The following CYP27C1 variants were observed in gnomAD, a reference collection of about 807,000 sequenced individuals.
The protein encoded by CYP27C1 is cytochrome P450 family 27 subfamily C member 1.
A neutral mutation model predicts 40.6 loss-of-function variants in CYP27C1; 29 were observed. That is an observed-to-expected ratio of 0.71 (90% confidence interval 0.53 to 0.97). The LOEUF (loss-of-function observed/expected upper bound fraction) is 0.97, where lower values mean the gene tolerates loss of function less well. Ranked by LOEUF, CYP27C1 falls within the 50% of genes least tolerant of loss-of-function variation. CYP27C1 has a pLI of 0.00. For missense variants in CYP27C1, 390 were observed against 485.8 expected, an observed-to-expected ratio of 0.80 and a Z score of 1.85; for synonymous variants, 198 against 186.8, an observed-to-expected ratio of 1.06 and a Z score of -0.49.
At position 127,213,526 on chromosome 2, in the gene CYP27C1, T is replaced by G. The variant is rs375092010; in HGVS notation, c.282+6463A>C. ...AAATAGCACCACACATCTACAACCA[T>G]CTGCTCTTTGACAAACCTGACAAAA... On this transcript the variant is annotated intron_variant, in intron 1 of 8. Coordinates refer to ENST00000664447, the MANE Select transcript of CYP27C1 (RefSeq NM_001367502.1). 1.5e-4 allele frequency among the ~76,000 whole-genome samples: 23 copies of G among 152,250 alleles called. No homozygotes were observed. In the South Asian group the frequency reaches 4.1e-3, roughly 27 times the overall value.
At chr2:127,189,859 T>G (rs1021983481) in intron 8 of CYP27C1, among the ~76,000 whole-genome samples, 5 of 152,240 alleles carry the variant, frequency 3.3e-5, no homozygotes, top group African/African-American at 1.2e-4. Context: ...TGCCAACTGT[T>G]GATTTTGCAC....
chr2:127,195,451 T>C lies in CYP27C1; in HGVS notation c.1098A>G (p.Glu366=). 1 of 1,614,098 alleles carries C rather than the reference T, an allele frequency of 6.2e-7. No individual in the cohort carries two copies. The highest frequency in any genetic ancestry group is 8.5e-7 in the Non-Finnish European group (1 of 1,180,010). The part of the protein sequence containing the change: ...WTVYLLARHP[E]VQQTVYREIV... The stretch of plus-strand genomic sequence containing the variant: ...TCTCCCGGTACACCGTCTGCTGCAC[T>C]TCTGGGTGCCTTGCCAGGAGGTACA... Residue 366 remains glutamate, a synonymous_variant, in exon 6 of 9, where the codon GAA becomes GAG. Coordinates refer to ENST00000664447, the MANE Select transcript of CYP27C1 (RefSeq NM_001367502.1). This position sits in a 1 kb window ranked among gnomAD's most constrained non-coding sequence, Gnocchi z 6.2.
intron 1 of CYP27C1, among the ~76,000 whole-genome samples, chr2:127,214,611 T>C (rs1235803175): frequency 6.6e-6 from 1 of 150,872 alleles, no homozygotes; most frequent in African/African-American, 2.4e-5. Flanking sequence ...TAAGTGGGAG[T>C]TGAATATTGA....
At chr2:127,205,591 T>C in intron 2 of CYP27C1, 3 of 775,052 alleles carry the variant, frequency 3.9e-6, no homozygotes, top group Non-Finnish European at 4.7e-6. Context: ...GTGAGTTTTG[T>C]CTGCCTCGGT....
chr2:127,203,689 A>T (rs1430603063), intron 2 of CYP27C1, 118 bp from the exon 3 acceptor site: 6 of 1,006,104 alleles, frequency 6.0e-6, no homozygotes, highest in Non-Finnish European at 8.7e-6. Context: ...TGCCCAACAA[A>T]GTAGAATTAA....
chr2:127,206,182 A>C (rs2104694631), intron 1 of CYP27C1, among the ~76,000 whole-genome samples, 92 bp from the exon 2 acceptor site: 1 of 152,354 alleles, frequency 6.6e-6, no homozygotes, highest in Middle Eastern at 3.4e-3. Flanking sequence ...GGAGCAGAAA[A>C]TTGGGGCAGA....
At chr2:127,211,633 C>T (rs1013942559) in intron 1 of CYP27C1, among the ~76,000 whole-genome samples, 1 of 152,074 alleles carries the variant, frequency 6.6e-6, no homozygotes, top group Non-Finnish European at 1.5e-5. Context: ...GATCCACCCA[C>T]CTCGGCCTCC....
chr2:127,189,725 G>A (rs1481217243), intron 8 of CYP27C1, among the ~76,000 whole-genome samples: 4 of 151,636 alleles, frequency 2.6e-5, no homozygotes, highest in Admixed American at 6.6e-5. Flanking sequence ...GGATGCTCAT[G>A]TAATTTTCCT....
Position 127,195,511 on chromosome 2 carries a change from G to A in CYP27C1, c.1048-10C>T, listed in dbSNP as rs747718320. ...ACAAGGTGAAGGACGTCTAAGGAGA[G>A]AAAGTGGCAGACACAGGCAGGCAGT... On this transcript the variant is annotated splice_polypyrimidine_tract_variant and intron_variant, in intron 5 of 8. Transcript: ENST00000664447. This position sits in a 1 kb window ranked among gnomAD's most constrained non-coding sequence, Gnocchi z 6.2. 6.2e-7 allele frequency: 1 copy of A among 1,613,384 alleles called. No individual in the cohort carries two copies. The highest frequency in any genetic ancestry group is 1.7e-5 in the Admixed American group (1 of 59,986).
At chr2:127,199,574 T>A in intron 4 of CYP27C1, 35 bp from the exon 5 acceptor site, 1 of 1,578,926 alleles carries the variant, frequency 6.3e-7, no homozygotes, top group Non-Finnish European at 8.6e-7. Flanking sequence ...GAAAGGAGTT[T>A]GGGTTGAGAA....
chr2:127,204,567 A>AAGAAAGAG (rs1683171348), intron 2 of CYP27C1, among the ~76,000 whole-genome samples: 1 of 65,508 alleles, frequency 1.5e-5, no homozygotes, highest in Admixed American at 2.0e-4. Context: ...GAAAGAAAGA[A>AAGAAAGAG]AGAAAGAAAG....
At chr2:127,192,752 C>CCCACG in intron 8 of CYP27C1, among the ~76,000 whole-genome samples, 1 of 49,192 alleles carries the variant, frequency 2.0e-5, no homozygotes, top group African/African-American at 7.7e-5. Context: ...CAGAGTGTAG[C>CCCACG]CACGCGGTTG....
intron 8 of CYP27C1, among the ~76,000 whole-genome samples, chr2:127,191,541 C>G (rs1396826093): frequency 6.6e-6 from 1 of 152,178 alleles, no homozygotes; most frequent in Non-Finnish European, 1.5e-5. Context: ...CTGAGACCTT[C>G]CTGAAAACAC....
chr2:127,193,726 G>A (rs749703564), intron 7 of CYP27C1, 63 bp downstream of exon 7: 119 of 1,557,680 alleles, frequency 7.6e-5, no homozygotes, highest in Non-Finnish European at 9.9e-5. Context: ...CCTGAAGGTA[G>A]AAGCAGATTC....
rs1220921939 is a variant in CYP27C1, at chr2:127,219,345, C to T, written c.282+644G>A. Among the ~76,000 whole-genome samples, 3 of 152,062 alleles carry T rather than the reference C, an allele frequency of 2.0e-5. No homozygotes were observed. Among genetic ancestry groups the T allele is most frequent in the Non-Finnish European group, 4.4e-5 (3 of 68,010 alleles). The stretch of plus-strand genomic sequence containing the variant: ...GCGCCCGCTGCCCCTCCCCAAGTCT[C>T]CTCCTCCGGGACCTCAGCCCTGGTG... On this transcript the variant is annotated intron_variant, in intron 1 of 8. Transcript: ENST00000664447. The surrounding 1 kb of genome is among the most constrained non-coding windows in gnomAD (Gnocchi z 8.7).
intron 3 of CYP27C1, 37 bp downstream of exon 3, chr2:127,203,335 A>C: frequency 6.2e-7 from 1 of 1,600,520 alleles, no homozygotes; most frequent in Admixed American, 1.7e-5. Flanking sequence ...GCAAGTATCC[A>C]TTCTTCCCTC....
intron 8 of CYP27C1, among the ~76,000 whole-genome samples, chr2:127,189,387 G>C (rs532082732): frequency 6.6e-6 from 1 of 152,092 alleles, no homozygotes; most frequent in Non-Finnish European, 1.5e-5. Flanking sequence ...AGGCCCCACT[G>C]TTGGGAGTTG....
At chr2:127,210,501 G>A (rs557584583) in intron 1 of CYP27C1, among the ~76,000 whole-genome samples, 124 of 152,090 alleles carry the variant, frequency 8.2e-4, no homozygotes, top group Non-Finnish European at 1.4e-3. Flanking sequence ...GATCAAATTC[G>A]CACATAACAA....
chr2:127,215,414 A>G (rs1573908597), intron 1 of CYP27C1, among the ~76,000 whole-genome samples: 1 of 152,338 alleles, frequency 6.6e-6, no homozygotes, highest in Middle Eastern at 3.4e-3. Context: ...TGCTAAAACT[A>G]TAAACTCTTA....
Sources: allele counts gnomAD v4.1 joint callset (sites outside exome capture counted in the v4.1 genomes callset), GRCh38; gene constraint gnomAD v4.1.1; non-coding constraint Gnocchi (gnomAD v3.1); transcripts MANE v1.5; gene names NCBI Gene and HGNC (gene_info 2026-07-23, HGNC 2026-07-21).